SLC9A9: variants seen among roughly 807,000 people sequenced by gnomAD.
The protein encoded by SLC9A9 is solute carrier family 9 member A9.
A neutral mutation model predicts 77.8 loss-of-function variants in SLC9A9; 62 were observed. The ratio of observed to expected loss-of-function variants is 0.80; its 90% CI spans 0.65 to 0.98. The LOEUF is 0.98. Among genes scored for constraint, SLC9A9 ranks in the 50% least tolerant of loss-of-function variants. SLC9A9 has a pLI of 0.00. For missense variants in SLC9A9, 775 were observed against 774.9 expected, an observed-to-expected ratio of 1.00 and a Z score of 0.00; for synonymous variants, 320 against 283.5, an observed-to-expected ratio of 1.13 and a Z score of -1.29.
intron 8 of SLC9A9, among the ~76,000 whole-genome samples, chr3:143,566,126 G>A (rs576393151): frequency 1.3e-5 from 2 of 152,092 alleles, no homozygotes; most frequent in Non-Finnish European, 2.9e-5. Context: ...TCCAGTAATA[G>A]TCATTTCATT....
chr3:143,279,332 G>A (rs772133214), intron 14 of SLC9A9, among the ~76,000 whole-genome samples: 5 of 152,172 alleles, frequency 3.3e-5, no homozygotes, highest in Non-Finnish European at 5.9e-5. Flanking sequence ...TACACAATTA[G>A]GGTCCTGCCA....
chr3:143,319,406 G>T (rs2031334888), intron 14 of SLC9A9, among the ~76,000 whole-genome samples: 1 of 152,182 alleles, frequency 6.6e-6, no homozygotes, highest in Admixed American at 6.5e-5. Flanking sequence ...GGGGTTTGGG[G>T]TGGATTAATT....
chr3:143,423,160 A>C (rs937690754), intron 12 of SLC9A9, among the ~76,000 whole-genome samples: 1 of 151,586 alleles, frequency 6.6e-6, no homozygotes, highest in African/African-American at 2.4e-5. Context: ...CACACACACA[A>C]ATATACATGT....
intron 9 of SLC9A9, among the ~76,000 whole-genome samples, chr3:143,497,377 T>C (rs1410987667): frequency 6.6e-6 from 1 of 152,180 alleles, no homozygotes; most frequent in Non-Finnish European, 1.5e-5. Flanking sequence ...ATATGGAGCA[T>C]ATAATTTAGG....
chr3:143,706,314 T>A (rs1013839314), intron 4 of SLC9A9, among the ~76,000 whole-genome samples: 9 of 152,172 alleles, frequency 5.9e-5, no homozygotes, highest in Non-Finnish European at 1.3e-4. Flanking sequence ...GAGCTGTAGC[T>A]CTACTTGTGG....
chr3:143,610,957 A>C (rs1559992509), intron 6 of SLC9A9, among the ~76,000 whole-genome samples: 1 of 152,162 alleles, frequency 6.6e-6, no homozygotes, highest in Non-Finnish European at 1.5e-5. Flanking sequence ...TACAGAAGTG[A>C]GGAAAAACAG....
At chr3:143,455,674 T>G (rs2035078015) in intron 12 of SLC9A9, among the ~76,000 whole-genome samples, 1 of 152,182 alleles carries the variant, frequency 6.6e-6, no homozygotes, top group Non-Finnish European at 1.5e-5. Context: ...TTTGAACTAT[T>G]AGAAGTGGTA....
At chr3:143,823,007 GT>G (rs34060724) in intron 2 of SLC9A9, among the ~76,000 whole-genome samples, 139,755 of 152,200 alleles carry the variant, frequency 0.92, 64,727 homozygotes, top group South Asian at 0.98. Context: ...GAAATCTGAG[GT>G]TAGATGCTTG....
intron 14 of SLC9A9, among the ~76,000 whole-genome samples, chr3:143,342,689 C>T (rs1339614766): frequency 6.6e-6 from 1 of 152,058 alleles, no homozygotes; most frequent in Non-Finnish European, 1.5e-5. Flanking sequence ...AGACACAAAC[C>T]ACTGTGGGCA....
intron 4 of SLC9A9, among the ~76,000 whole-genome samples, chr3:143,741,723 G>C (rs1345323970): frequency 6.6e-6 from 1 of 152,084 alleles, no homozygotes; most frequent in Non-Finnish European, 1.5e-5. Flanking sequence ...TCTTTGATAT[G>C]ATGTGATGAA....
rs150549694 is a variant in SLC9A9 at position 143,396,458 on chromosome 3, G to C, written c.1470-14344C>G. Reference sequence around the variant, plus strand: ...CAGCCTGTTGTGGGTTGGGGGGCTGGGGAAGGGATAGCATTAGGAGATATA... The same window carrying C: ...CAGCCTGTTGTGGGTTGGGGGGCTGCGGAAGGGATAGCATTAGGAGATATA... On this transcript the variant is annotated intron_variant, in intron 12 of 15. Transcript: ENST00000316549. Among the ~76,000 whole-genome samples, 621 of 152,252 alleles carry C rather than the reference G, an allele frequency of 4.1e-3. 4 individuals carry two copies. The highest frequency in any genetic ancestry group is 0.014 in the African/African-American group (591 of 41,542).
intron 9 of SLC9A9, among the ~76,000 whole-genome samples, chr3:143,498,016 T>C (rs1263039838): frequency 1.3e-5 from 2 of 152,152 alleles, no homozygotes; most frequent in Non-Finnish European, 2.9e-5. Context: ...ACATTTTACA[T>C]GGAGGCCCAT....
chr3:143,284,148 G>A (rs372543420), intron 14 of SLC9A9, among the ~76,000 whole-genome samples: 370 of 151,796 alleles, frequency 2.4e-3, no homozygotes, highest in Non-Finnish European at 3.9e-3. Context: ...GCATCGAGTC[G>A]TTATACTATT....
At chr3:143,448,142 C>T (rs2034878359) in intron 12 of SLC9A9, among the ~76,000 whole-genome samples, 1 of 152,062 alleles carries the variant, frequency 6.6e-6, no homozygotes, top group Non-Finnish European at 1.5e-5. Flanking sequence ...AGCCTGGAAA[C>T]TAAGTGGTAA....
At chr3:143,626,754 C>T (rs1013647189) in intron 6 of SLC9A9, 1 of 151,872 alleles carries the variant, frequency 6.6e-6, no homozygotes, top group African/African-American at 2.4e-5. Flanking sequence ...TACCCTAAAA[C>T]TTAATATAAT....
chr3:143,837,912 G>A (rs2009609970), intron 1 of SLC9A9, among the ~76,000 whole-genome samples: 1 of 152,184 alleles, frequency 6.6e-6, no homozygotes, highest in Non-Finnish European at 1.5e-5. Context: ...CTGCCAGCCT[G>A]ATGTTGAAGT....
At chr3:143,687,510 T>C (rs1933309300) in intron 5 of SLC9A9, among the ~76,000 whole-genome samples, 2 of 152,142 alleles carry the variant, frequency 1.3e-5, no homozygotes, top group Admixed American at 6.5e-5. Flanking sequence ...CCTATTCATG[T>C]GTGGGTTTCT....
chr3:143,704,986 C>G (rs1036674830), intron 4 of SLC9A9, among the ~76,000 whole-genome samples: 3 of 107,486 alleles, frequency 2.8e-5, no homozygotes, highest in African/African-American at 9.6e-5. Context: ...GAGTGAAACT[C>G]CATCTCAAAT....
In SLC9A9 at chr3:143,266,318, A is replaced by T. The variant is rs1937712272; in HGVS notation, c.*384T>A. 3 of 571,700 alleles carry T rather than the reference A, an allele frequency of 5.2e-6. No individual in the cohort carries two copies. The highest frequency in any genetic ancestry group is 6.2e-5 in the Admixed American group (2 of 32,190). The allele number at this position is 571,700 out of a possible 1,614,324, so 35.4% of individuals were successfully genotyped here. The stretch of plus-strand genomic sequence containing the variant: ...CTCAGAAGCTTTCTTTTATTTTTAA[A>T]CTCTCCTTAATGGAGGGAATAAAAT... On this transcript the variant is annotated 3_prime_UTR_variant, in exon 16 of 16. Transcript: ENST00000316549.
Sources: gnomAD v4.1 joint callset for allele counts (sites outside exome capture counted in the v4.1 genomes callset) on GRCh38, gnomAD v4.1.1 for gene constraint, MANE v1.5 for transcripts, NCBI Gene and HGNC (gene_info 2026-07-23, HGNC 2026-07-21) for gene names.